The following GRM8 variants were observed in gnomAD, a reference collection of about 807,000 sequenced individuals.
GRM8 encodes the protein glutamate metabotropic receptor 8.
In GRM8, 47 loss-of-function variants were observed where a neutral mutation model predicts 87.2. The observed-to-expected ratio is 0.54, with a 90% CI of 0.43 to 0.69. The LOEUF (loss-of-function observed/expected upper bound fraction) is 0.69. GRM8 is among the 30% of genes least tolerant of loss of function. The pLI, the probability that GRM8 is intolerant of heterozygous loss-of-function variation, is 0.00. For missense variants in GRM8, 1,019 were observed against 1,139.2 expected (o/e 0.89, Z 1.52); for synonymous variants, 396 against 404.5 (o/e 0.98, Z 0.25).
At chr7:126,584,926 C>G (rs929821638) in intron 8 of GRM8, among the ~76,000 whole-genome samples, 11 of 152,030 alleles carry the variant, frequency 7.2e-5, no homozygotes, top group African/African-American at 2.4e-4. Flanking sequence ...ATTATATGCT[C>G]TCATGTTAGT....
At chr7:126,614,307 G>A (rs1363593715) in intron 7 of GRM8, among the ~76,000 whole-genome samples, 1 of 152,178 alleles carries the variant, frequency 6.6e-6, no homozygotes, top group Non-Finnish European at 1.5e-5. Context: ...CAGACCTGCA[G>A]CTGAGGGTCC....
chr7:126,658,442 T>G (rs1041684713), intron 7 of GRM8, among the ~76,000 whole-genome samples: 1 of 152,038 alleles, frequency 6.6e-6, no homozygotes, highest in Non-Finnish European at 1.5e-5. Flanking sequence ...GAGCAGAGAA[T>G]AGGATCTAAA....
rs374299140 is a variant in GRM8, at chr7:126,626,531, T to A, written c.1358-17033A>T. ...TGGCTGGAGCAATGCTTCTATTTTA[T>A]ATCTAAGATCTGTAAATGGATCTTG... On this transcript the variant is annotated intron_variant, in intron 7 of 10. Coordinates refer to ENST00000339582, the MANE Select transcript of GRM8 (RefSeq NM_000845.3). Among the ~76,000 whole-genome samples the A allele has an allele frequency of 2.0e-5, 3 of 152,322 alleles. No individual in the cohort carries two copies. The East Asian group carries it at 5.8e-4, about 29-fold the overall frequency.
intron 3 of GRM8, among the ~76,000 whole-genome samples, chr7:127,020,537 G>A (rs541781875): frequency 1.3e-5 from 2 of 152,154 alleles, no homozygotes; most frequent in South Asian, 2.1e-4. Context: ...TGGCAGGCAA[G>A]GGACAGTAAG....
At chr7:126,448,206 T>C (rs942939566) in intron 9 of GRM8, among the ~76,000 whole-genome samples, 5 of 151,828 alleles carry the variant, frequency 3.3e-5, no homozygotes, top group African/African-American at 1.2e-4. Context: ...GCCAGTCAAA[T>C]AGAAAACCAC....
chr7:127,144,152 G>T (rs17865087), intron 2 of GRM8, among the ~76,000 whole-genome samples: 2,686 of 152,106 alleles, frequency 0.018, 73 homozygotes, highest in African/African-American at 0.061. Context: ...GAACAGTGTG[G>T]GCACTAAATA....
chr7:127,235,822 GCAGTA>G (rs1797953500), intron 2 of GRM8, among the ~76,000 whole-genome samples: 1 of 152,138 alleles, frequency 6.6e-6, no homozygotes. Flanking sequence ...AAGAATTACT[GCAGTA>G]CATCTGTATT....
chr7:126,906,641 T>C (rs1181616140), intron 3 of GRM8, among the ~76,000 whole-genome samples: 3 of 152,216 alleles, frequency 2.0e-5, no homozygotes, highest in African/African-American at 7.2e-5. Context: ...AAACGTCTGG[T>C]AGCCAAATGA....
chr7:126,544,521 A>ATTC (rs1310763970), intron 8 of GRM8, among the ~76,000 whole-genome samples: 1 of 151,844 alleles, frequency 6.6e-6, no homozygotes, highest in Non-Finnish European at 1.5e-5. Context: ...TATTATTATT[A>ATTC]TTATTTTGAG....
At chr7:127,007,384 T>C (rs1411459859) in intron 3 of GRM8, among the ~76,000 whole-genome samples, 1 of 152,018 alleles carries the variant, frequency 6.6e-6, no homozygotes, top group African/African-American at 2.4e-5. Flanking sequence ...TGTTTTATGC[T>C]CTACTTCTTT....
At chr7:126,969,418 G>C (rs539978746) in intron 3 of GRM8, among the ~76,000 whole-genome samples, 33 of 152,238 alleles carry the variant, frequency 2.2e-4, no homozygotes, top group Middle Eastern at 3.4e-3. Flanking sequence ...TAAATCCTTT[G>C]TTATTTCAAC....
At chr7:126,907,132 A>T (rs1256379550) in intron 3 of GRM8, among the ~76,000 whole-genome samples, 3 of 151,892 alleles carry the variant, frequency 2.0e-5, no homozygotes, top group African/African-American at 7.2e-5. Context: ...AAGAGGAAGA[A>T]GGAGGAAGAG....
At chr7:126,567,363 A>G (rs1794307098) in intron 8 of GRM8, among the ~76,000 whole-genome samples, 1 of 148,110 alleles carries the variant, frequency 6.8e-6, no homozygotes, top group South Asian at 2.2e-4. Context: ...AACAATGAGA[A>G]CACATGGACA....
At chr7:127,143,671 C>T (rs993819229) in intron 2 of GRM8, among the ~76,000 whole-genome samples, 2 of 152,078 alleles carry the variant, frequency 1.3e-5, no homozygotes, top group African/African-American at 4.8e-5. Flanking sequence ...TAACAAAGGC[C>T]ATGTAGCTCC....
intron 6 of GRM8, among the ~76,000 whole-genome samples, chr7:126,825,374 A>G (rs886426141): frequency 6.6e-6 from 1 of 152,110 alleles, no homozygotes; most frequent in Admixed American, 6.6e-5. Flanking sequence ...CCCCAAACAT[A>G]TACTTCTTTA....
At chr7:126,693,593 T>TA (rs1301292991) in intron 7 of GRM8, among the ~76,000 whole-genome samples, 2 of 152,162 alleles carry the variant, frequency 1.3e-5, no homozygotes, top group Non-Finnish European at 2.9e-5. Context: ...TTTTCTAACA[T>TA]AAAAAGCTTT....
chr7:126,966,041 C>T (rs1036424654), intron 3 of GRM8, among the ~76,000 whole-genome samples: 9 of 152,196 alleles, frequency 5.9e-5, no homozygotes, highest in South Asian at 2.1e-4. Context: ...AAATAGCACT[C>T]TCTAAAACCA....
intron 7 of GRM8, among the ~76,000 whole-genome samples, chr7:126,766,326 C>T (rs1052964247): frequency 3.3e-5 from 5 of 152,184 alleles, no homozygotes; most frequent in African/African-American, 4.8e-5. Context: ...TCCTCCACAC[C>T]GATAACGTGG....
chr7:126,940,444 C>T (rs537035306), intron 3 of GRM8, among the ~76,000 whole-genome samples: 1 of 152,246 alleles, frequency 6.6e-6, no homozygotes, highest in South Asian at 2.1e-4. Context: ...GTCCCTGAGA[C>T]CATCTTGGCC....
Sources: gnomAD v4.1 joint callset for allele counts (sites outside exome capture counted in the v4.1 genomes callset) on GRCh38, gnomAD v4.1.1 for gene constraint, MANE v1.5 for transcripts, NCBI Gene and HGNC (gene_info 2026-07-23, HGNC 2026-07-21) for gene names.